ZNF182: variants seen among roughly 807,000 people sequenced by gnomAD.
ZNF182 encodes zinc finger protein 21 (KOX 14).
Under a neutral mutation model 28.1 loss-of-function variants are expected in ZNF182, and 10 were observed. The ratio of observed to expected loss-of-function variants is 0.36; its 90% CI spans 0.22 to 0.60. ZNF182 has a LOEUF of 0.60. ZNF182 is among the 20% of genes least tolerant of loss of function. The pLI, the probability that ZNF182 is intolerant of heterozygous loss-of-function variation, is 0.75. For missense variants in ZNF182, 352 were observed against 453.2 expected (o/e 0.78, Z 2.03); for synonymous variants, 156 against 158.7 (o/e 0.98, Z 0.13).
rs1432788709 is a variant in ZNF182, at chrX:47,976,034, G to A, written c.*133C>T. 1 of 679,832 alleles carries A rather than the reference G, an allele frequency of 1.5e-6. No homozygotes were observed. 56.0% of individuals were successfully genotyped at this position (679,832 alleles called of 1,213,427 possible). ...TTTTCTCCCGTAGCTTTTGGGTTAT[G>A]ACTGAGATGAAAAGAAGAAAGGCTG... On this transcript the variant is annotated 3_prime_UTR_variant, in exon 6 of 6. Coordinates refer to ENST00000376943, the MANE Select transcript of ZNF182 (RefSeq NM_001007088.2).
chrX:47,988,630 T>C (rs1556900060), intron 3 of ZNF182: 1 of 373,231 alleles, frequency 2.7e-6, no homozygotes, highest in Non-Finnish European at 4.8e-6. Flanking sequence ...GTGAGCCAAA[T>C]AAACCACTTT....
At chrX:47,987,736 C>T (rs1556899955) in intron 3 of ZNF182, among the ~76,000 whole-genome samples, 1 of 111,970 alleles carries the variant, frequency 8.9e-6, no homozygotes, top group Non-Finnish European at 1.9e-5. Flanking sequence ...ACACACATCT[C>T]TGTTCACCGA....
chrX:47,976,289 A>C lies in ZNF182; in HGVS notation c.1741T>G (p.Cys581Gly). 1 of 1,206,547 alleles carries C rather than the reference A, an allele frequency of 8.3e-7. No homozygotes were observed. The highest frequency in any genetic ancestry group is 1.1e-6 in the Non-Finnish European group (1 of 893,709). Residue 581 changes from cysteine to glycine, a missense_variant, in exon 6 of 6, where the codon TGT (cysteine) becomes GGT (glycine). Transcript: ENST00000376943. ...GTAAAGGCTTTCCCACATTCTGTAC[A>C]TTTATAGGGTTTCTCTCCAGTATGA... ...RTHTGEKPYKCTECGKAFTQK... is the reference protein window; with the variant it reads ...RTHTGEKPYKGTECGKAFTQK...
At chrX:47,978,068 T>C (rs1198750026) in intron 5 of ZNF182, among the ~76,000 whole-genome samples, 1 of 111,044 alleles carries the variant, frequency 9.0e-6, no homozygotes, top group Non-Finnish European at 1.9e-5. Context: ...TCAGTTATCA[T>C]ATAAACTTTT....
At chrX:48,000,651 C>G (rs1351364970) in intron 3 of ZNF182, among the ~76,000 whole-genome samples, 2 of 111,985 alleles carry the variant, frequency 1.8e-5, no homozygotes, top group Non-Finnish European at 3.8e-5. Context: ...ATCTTCATGA[C>G]CTAGTGTTAG....
intron 3 of ZNF182, among the ~76,000 whole-genome samples, chrX:47,988,365 G>A (rs2058929972): frequency 9.0e-6 from 1 of 110,811 alleles, no homozygotes; most frequent in East Asian, 2.8e-4. Context: ...ATGGTGGGAG[G>A]TGCTTGGGTA....
chrX:47,983,576 T>C (rs1339464746), intron 3 of ZNF182, among the ~76,000 whole-genome samples, 165 bp from the exon 4 acceptor site: 2 of 111,414 alleles, frequency 1.8e-5, no homozygotes, highest in Non-Finnish European at 3.8e-5. Context: ...TCACAAATCA[T>C]GGTTAAAAAA....
chrX:48,001,344 T>C (rs1280282824), intron 3 of ZNF182, among the ~76,000 whole-genome samples: 2 of 112,617 alleles, frequency 1.8e-5, no homozygotes, highest in Admixed American at 1.9e-4. Context: ...CATGGACTAC[T>C]ATTCAGCAAT....
chrX:47,991,523 C>T lies in ZNF182; in HGVS notation c.16-8112G>A, dbSNP rs150638819. Among the ~76,000 whole-genome samples the T allele has an allele frequency of 8.5e-3, 951 of 112,339 alleles. 14 individuals carry two copies. Among genetic ancestry groups the T allele is most frequent in the African/African-American group, 0.03 (919 of 30,866 alleles). Reference sequence around the variant, plus strand: ...GTTAAATTACCACACTGAGTGAAAACCACGAGGTGGCAAACTATACTTACA... The same window carrying T: ...GTTAAATTACCACACTGAGTGAAAATCACGAGGTGGCAAACTATACTTACA... On this transcript the variant is annotated intron_variant, in intron 3 of 5. Coordinates refer to ENST00000376943, the MANE Select transcript of ZNF182 (RefSeq NM_001007088.2).
At chrX:47,999,925 C>T (rs2058972939) in intron 3 of ZNF182, among the ~76,000 whole-genome samples, 1 of 111,381 alleles carries the variant, frequency 9.0e-6, no homozygotes, top group South Asian at 3.7e-4. Flanking sequence ...CATCTGAGGT[C>T]AGCAGTTCGA....
intron 3 of ZNF182, 66 bp downstream of exon 3, chrX:48,002,529 G>A: frequency 8.5e-7 from 1 of 1,175,609 alleles, no homozygotes; most frequent in Non-Finnish European, 1.2e-6. Context: ...TTATGGCAGG[G>A]ATTTCCACAT....
At chrX:47,998,727 C>T (rs2058967793) in intron 3 of ZNF182, among the ~76,000 whole-genome samples, 1 of 110,497 alleles carries the variant, frequency 9.1e-6, no homozygotes, top group African/African-American at 3.3e-5. Context: ...GGCGTGGTGG[C>T]GGGCGCCTGT....
chrX:47,982,952 G>A lies in ZNF182; in HGVS notation c.229C>T (p.Pro77Ser), dbSNP rs782282660. The A allele has an allele frequency of 2.5e-6, 3 of 1,210,634 alleles. No individual in the cohort carries two copies. The highest frequency in any genetic ancestry group is 3.4e-6 in the Non-Finnish European group (3 of 894,715). ...CCTGGGTCAAAATTCCACTTACCTG[G>A]AAAGTTCCAAAATGGGATTTTTCCT... is the stretch of plus-strand genomic sequence containing the variant. The part of the protein sequence containing the change: ...AEGKIPFWNF[P>S]EVCQVDEQIE... Residue 77 changes from proline (P) to serine (S), a missense_variant, in exon 5 of 6, where the codon CCA (proline) becomes TCA (serine). Pro to Ser is a moderately conservative substitution (Grantham distance 74). Transcript: ENST00000376943.
chrX:48,001,417 GAAAC>G (rs1483341902), intron 3 of ZNF182, among the ~76,000 whole-genome samples: 1 of 112,143 alleles, frequency 8.9e-6, no homozygotes, highest in Non-Finnish European at 1.9e-5. Context: ...GTGCTGAGTG[GAAAC>G]AAACAAACAA....
Position 47,975,158 on chromosome X carries a change from C to T in ZNF182, c.*1009G>A, listed in dbSNP as rs1373565226. 8.9e-6 allele frequency: 1 copy of T among 112,401 alleles called. No individual in the cohort carries two copies. The highest frequency in any genetic ancestry group is 1.9e-5 in the Non-Finnish European group (1 of 53,277). The allele number at this position is 112,401 out of a possible 1,213,427, so 9.3% of individuals were successfully genotyped here. On this transcript the variant is annotated 3_prime_UTR_variant, in exon 6 of 6. Transcript: ENST00000376943. ...ATAAACTGAAGGTTATCCCACATCA[C>T]TACATAAATGGTTTCCAAGTTCTCC...
intron 3 of ZNF182, among the ~76,000 whole-genome samples, chrX:48,000,998 A>T (rs1556901847): frequency 8.9e-6 from 1 of 112,634 alleles, no homozygotes; most frequent in Non-Finnish European, 1.9e-5. Flanking sequence ...AATGCAAATT[A>T]AAATCATTAT....
chrX:47,982,813 T>C (rs1228250391), intron 5 of ZNF182, 136 bp downstream of exon 5: 6 of 527,882 alleles, frequency 1.1e-5, no homozygotes, highest in South Asian at 3.1e-5. Context: ...GAGGTGTTCA[T>C]GTCCCTGTCC....
chrX:47,989,287 C>T (rs1474016115), intron 3 of ZNF182, among the ~76,000 whole-genome samples: 4 of 110,375 alleles, frequency 3.6e-5, no homozygotes, highest in Non-Finnish European at 5.7e-5. Flanking sequence ...ATTAGCCAGG[C>T]GCAGTGGCTC....
rs2058910773 is a variant in ZNF182 at position 47,982,857 on chromosome X, A to AT, written c.232+91_232+92insA. The AT allele has an allele frequency of 4.6e-6, 4 of 876,381 alleles. No homozygotes were observed. In the Admixed American group the frequency reaches 9.9e-5, roughly 22 times the overall value. 72.2% of individuals were successfully genotyped at this position (876,381 alleles called of 1,213,427 possible). ...TGCCAAGGGCCAGAACCTTTTCCTA[A>AT]GATATTCCTGAAAGCCCTGTCAGAG... On this transcript the variant is annotated intron_variant, in intron 5 of 5. Coordinates refer to ENST00000376943, the MANE Select transcript of ZNF182 (RefSeq NM_001007088.2).
Sources: gnomAD v4.1 joint callset for allele counts (sites outside exome capture counted in the v4.1 genomes callset) on GRCh38, gnomAD v4.1.1 for gene constraint, MANE v1.5 for transcripts, NCBI Gene and HGNC (gene_info 2026-07-23, HGNC 2026-07-21) for gene names.